Variants in GRSF1 observed in about 807,000 individuals in gnomAD.
The protein encoded by GRSF1 is G-rich sequence factor 1.
In GRSF1, 50 loss-of-function variants were observed where a neutral mutation model predicts 51.1. The ratio of observed to expected loss-of-function variants is 0.98; its 90% CI spans 0.78 to 1.24. The LOEUF (loss-of-function observed/expected upper bound fraction) is 1.24. GRSF1 is among the 50% of genes most tolerant of loss of function. The probability of loss-of-function intolerance (pLI) is 0.00; values close to 1 mark genes in which losing one functional copy is unlikely to be tolerated. For synonymous variants in GRSF1, 293 were observed against 253.3 expected, an observed-to-expected ratio of 1.16 and a Z score of -1.49; for missense variants, 700 against 639.7, an observed-to-expected ratio of 1.09 and a Z score of -1.02.
At chr4:70,835,415 C>G (rs1420214553) in intron 2 of GRSF1, among the ~76,000 whole-genome samples, 1 of 140,814 alleles carries the variant, frequency 7.1e-6, no homozygotes. Context: ...GGCGACAGAG[C>G]GAGACTCCGT....
chr4:70,825,959 T>A, intron 7 of GRSF1, 165 bp downstream of exon 7: 1 of 615,160 alleles, frequency 1.6e-6, no homozygotes, highest in East Asian at 3.1e-5. Flanking sequence ...AGCCACACTT[T>A]TCAGCTACAG....
chr4:70,827,854 A>G lies in GRSF1; in HGVS notation c.1133T>C (p.Ile378Thr). ...PMTAFESEKEIELPKEVPEKL... is the reference protein window; with the variant it reads ...PMTAFESEKETELPKEVPEKL... ...CTCAAGAAGAGGCAGGACCTTACCT[A>G]TTTCCTTCTCACTTTCAAAAGCTGT... The change falls in exon 6 of 10, where the codon ATA becomes ACA. Residue 378 changes from isoleucine to threonine, a missense_variant and splice_region_variant. By Grantham distance (89) the Ile-to-Thr change is moderately conservative. Coordinates refer to ENST00000254799, the MANE Select transcript of GRSF1 (RefSeq NM_002092.4). The G allele has an allele frequency of 6.2e-7, 1 of 1,604,164 alleles. No homozygotes were observed. The highest frequency in any genetic ancestry group is 8.5e-7 in the Non-Finnish European group (1 of 1,172,574).
In GRSF1 at chr4:70,839,582, C is replaced by T. The variant is rs1346897820; in HGVS notation, c.246G>A (p.Val82=). ...PPGRLAGPPA[V]ATSAAAAAAA... is the part of the protein sequence containing the mutation. ...CGGCCGCGGCCGCGGCAGAGGTGGC[C>T]ACAGCGGGAGGCCCCGCCAGCCTCC... is the stretch of plus-strand genomic sequence containing the variant. The change falls in exon 1 of 10, where the codon GTG becomes GTA. Residue 82 remains valine (V), a synonymous_variant. Transcript: ENST00000254799. 7.0e-7 allele frequency: 1 copy of T among 1,421,148 alleles called. No individual in the cohort carries two copies. Among genetic ancestry groups the T allele is most frequent in the Non-Finnish European group, 9.2e-7 (1 of 1,090,770 alleles). 88.0% of individuals were successfully genotyped at this position (1,421,148 alleles called of 1,614,324 possible).
chr4:70,836,103 G>C (rs1292407100), intron 2 of GRSF1, 55 bp downstream of exon 2: 3 of 1,054,544 alleles, frequency 2.8e-6, no homozygotes, highest in Non-Finnish European at 3.9e-6. Context: ...ATACCTGCTT[G>C]TGAGAAACAA....
upstream of GRSF1, among the ~76,000 whole-genome samples, chr4:70,841,756 A>T (rs1326751120): frequency 1.3e-5 from 2 of 152,228 alleles, no homozygotes; most frequent in African/African-American, 4.8e-5. Context: ...CAAAAAACAA[A>T]GAACAAGAAA....
In GRSF1 at chr4:70,839,506, C is replaced by T. The variant is rs1450658791; in HGVS notation, c.322G>A (p.Ala108Thr). The change falls in exon 1 of 10, where the codon GCG (alanine) becomes ACG (threonine). Residue 108 changes from alanine (A) to threonine (T), a missense_variant. Transcript: ENST00000254799. ...CTGCGCGTCGGGACGGCGGCCGCCG[C>T]CGCCAGCGACTGCGGCAGCAGAGAG... ...RASLLPQSLA[A>T]AAAVPTRSYS... 4 of 1,427,026 alleles carry T rather than the reference C, an allele frequency of 2.8e-6. No individual in the cohort carries two copies. Among genetic ancestry groups the T allele is most frequent in the Non-Finnish European group, 3.6e-6 (4 of 1,098,934 alleles). The allele number at this position is 1,427,026 out of a possible 1,614,324, so 88.4% of individuals were successfully genotyped here. A position where few individuals can be genotyped will look rare whatever the true frequency, so the allele number is the denominator to read the frequency against.
At chr4:70,840,069 C>G, upstream of GRSF1, 1 of 393,164 alleles carries the variant, frequency 2.5e-6, no homozygotes, top group Non-Finnish European at 4.5e-6. Flanking sequence ...GCGGGGCTGC[C>G]CATGGTTTGG....
rs919502122 is a variant in GRSF1, at chr4:70,817,407, C to T, written c.*3480G>A. On this transcript the variant is annotated 3_prime_UTR_variant, in exon 10 of 10. Coordinates refer to ENST00000254799, the MANE Select transcript of GRSF1 (RefSeq NM_002092.4). Reference sequence around the variant, plus strand: ...GATTTTCATATAATCAGGCTTAAGACAGATTAAACCTTCCTTCCTATACTT... The same window carrying T: ...GATTTTCATATAATCAGGCTTAAGATAGATTAAACCTTCCTTCCTATACTT... The T allele has an allele frequency of 2.0e-5, 3 of 152,114 alleles. No homozygotes were observed. The highest frequency in any genetic ancestry group is 7.2e-5 in the African/African-American group (3 of 41,404). The allele number at this position is 152,114 out of a possible 1,614,324, so 9.4% of individuals were successfully genotyped here.
chr4:70,839,311 C>A lies in GRSF1; in HGVS notation c.357+160G>T, dbSNP rs1213452078. 5.3e-6 allele frequency: 8 copies of A among 1,501,896 alleles called. No individual in the cohort carries two copies. The East Asian group carries it at 1.9e-4, about 35-fold the overall frequency. 93.0% of individuals were successfully genotyped at this position (1,501,896 alleles called of 1,614,324 possible). A position where few individuals can be genotyped will look rare whatever the true frequency, so the allele number is the denominator to read the frequency against. ...TGGGAGAGCTTCCCTTGTTCCAGGGCCCAATAGGAGCACAGGGTGGACGGG... is the reference window on the plus strand; with the variant it reads ...TGGGAGAGCTTCCCTTGTTCCAGGGACCAATAGGAGCACAGGGTGGACGGG... On this transcript the variant is annotated intron_variant, in intron 1 of 9. Transcript: ENST00000254799.
Position 70,816,129 on chromosome 4 carries a change from A to G in GRSF1, c.*4758T>C, listed in dbSNP as rs1028918967. On this transcript the variant is annotated 3_prime_UTR_variant, in exon 10 of 10. Coordinates refer to ENST00000254799, the MANE Select transcript of GRSF1 (RefSeq NM_002092.4). ...GTGCAGGAATTGACTAGGTGAAAAA[A>G]TTCAGATGTAATACAGATGTTCCAG... 5 of 152,218 alleles carry G rather than the reference A, an allele frequency of 3.3e-5. No homozygotes were observed. The highest frequency in any genetic ancestry group is 1.2e-4 in the African/African-American group (5 of 41,458). The allele number at this position is 152,218 out of a possible 1,614,324, so 9.4% of individuals were successfully genotyped here. A position where few individuals can be genotyped will look rare whatever the true frequency, so the allele number is the denominator to read the frequency against.
At chr4:70,833,051 A>C (rs2148844207) in intron 3 of GRSF1, 67 bp downstream of exon 3, 2 of 1,386,302 alleles carry the variant, frequency 1.4e-6, no homozygotes, top group East Asian at 4.6e-5. Flanking sequence ...GATCAAATAA[A>C]AACTACCTTG....
In GRSF1 at chr4:70,839,482, T is replaced by A; in HGVS notation, c.346A>T (p.Ser116Cys). Residue 116 changes from serine (S) to cysteine (C), a missense_variant, in exon 1 of 10, where the codon AGC (serine) becomes TGC (cysteine). Ser to Cys is a moderately radical substitution (Grantham distance 112). Coordinates refer to ENST00000254799, the MANE Select transcript of GRSF1 (RefSeq NM_002092.4). ...CGGCGCCCACGTACCTGGCTGTAGCTGCGCGTCGGGACGGCGGCCGCCGCC... is the reference window on the plus strand; with the variant it reads ...CGGCGCCCACGTACCTGGCTGTAGCAGCGCGTCGGGACGGCGGCCGCCGCC... ...LAAAAAVPTR[S>C]YSQESKTTYL... 7.0e-7 allele frequency: 1 copy of A among 1,423,378 alleles called. No individual in the cohort carries two copies. The highest frequency in any genetic ancestry group is 2.9e-5 in the Admixed American group (1 of 34,650). 88.2% of individuals were successfully genotyped at this position (1,423,378 alleles called of 1,614,324 possible).
intron 3 of GRSF1, among the ~76,000 whole-genome samples, 165 bp downstream of exon 3, chr4:70,832,953 C>CA (rs1198588946): frequency 2.6e-5 from 4 of 151,282 alleles, no homozygotes; most frequent in African/African-American, 9.7e-5. Context: ...ATCCCCCCCA[C>CA]AAAAAAAAGA....
upstream of GRSF1, among the ~76,000 whole-genome samples, chr4:70,840,330 G>T (rs905350723): frequency 6.6e-6 from 1 of 152,214 alleles, no homozygotes; most frequent in African/African-American, 2.4e-5. Flanking sequence ...TGAGGCTAGG[G>T]GCCTGGCGCA....
chr4:70,839,086 T>A lies in GRSF1; in HGVS notation c.357+385A>T, dbSNP rs1051834493. ...CGGGCTGCACGGAAACTCCCAACCC[T>A]CCGGCGGGCTCGGGCCTCGCAACTT... is the stretch of plus-strand genomic sequence containing the variant. On this transcript the variant is annotated intron_variant, in intron 1 of 9. Coordinates refer to ENST00000254799, the MANE Select transcript of GRSF1 (RefSeq NM_002092.4). The A allele has an allele frequency of 5.5e-6, 7 of 1,262,096 alleles. No individual in the cohort carries two copies. In the African/African-American group the frequency reaches 1.1e-4, roughly 20 times the overall value. 78.2% of individuals were successfully genotyped at this position (1,262,096 alleles called of 1,614,324 possible). A position where few individuals can be genotyped will look rare whatever the true frequency, so the allele number is the denominator to read the frequency against.
intron 1 of GRSF1, chr4:70,839,163 C>T: frequency 7.4e-7 from 1 of 1,348,302 alleles, no homozygotes; most frequent in Non-Finnish European, 9.7e-7. Context: ...CGTCAGCAGC[C>T]TCACGAAACC....
At chr4:70,823,302 C>G (rs924052860) in intron 9 of GRSF1, among the ~76,000 whole-genome samples, 13 of 152,024 alleles carry the variant, frequency 8.6e-5, no homozygotes, top group African/African-American at 3.1e-4. Context: ...GAGGCTGAGG[C>G]AGGAGAATCT....
intron 1 of GRSF1, among the ~76,000 whole-genome samples, chr4:70,836,796 G>T (rs1488276467): frequency 6.6e-6 from 1 of 152,176 alleles, no homozygotes; most frequent in South Asian, 2.1e-4. Flanking sequence ...CATGAGATGG[G>T]CCTTGAAGGA....
chr4:70,821,971 T>G (rs775828469), intron 9 of GRSF1, among the ~76,000 whole-genome samples: 1 of 152,036 alleles, frequency 6.6e-6, no homozygotes, highest in Non-Finnish European at 1.5e-5. Flanking sequence ...CCACCATGCC[T>G]GGCCCCATGT....
Sources: gnomAD v4.1 joint callset for allele counts (sites outside exome capture counted in the v4.1 genomes callset) on GRCh38, gnomAD v4.1.1 for gene constraint, MANE v1.5 for transcripts, NCBI Gene and HGNC (gene_info 2026-07-23, HGNC 2026-07-21) for gene names.